Variants in WWOX observed in about 807,000 individuals in gnomAD.
WWOX encodes WW domain containing oxidoreductase.
Under a neutral mutation model 46.2 loss-of-function variants are expected in WWOX, and 69 were observed. The observed-to-expected ratio is 1.49, with a 90% CI of 1.23 to 1.82. The LOEUF (loss-of-function observed/expected upper bound fraction) is 1.82. WWOX is among the 40% of genes most tolerant of loss of function. The probability of loss-of-function intolerance (pLI) is 0.00; values close to 1 mark genes in which losing one functional copy is unlikely to be tolerated. For synonymous variants in WWOX, 359 were observed against 202.6 expected (o/e 1.77, Z -6.56); for missense variants, 919 against 542.6 (o/e 1.69, Z -6.89).
At chr16:78,717,956 T>C (rs2048604666) in intron 8 of WWOX, among the ~76,000 whole-genome samples, 1 of 150,518 alleles carries the variant, frequency 6.6e-6, no homozygotes, top group Non-Finnish European at 1.5e-5. Flanking sequence ...CCACTTTTAC[T>C]ACAGTTACTT....
At chr16:78,164,717 C>A (rs1333303781) in intron 5 of WWOX, among the ~76,000 whole-genome samples, 1 of 152,158 alleles carries the variant, frequency 6.6e-6, no homozygotes, top group Non-Finnish European at 1.5e-5. Context: ...TAAATATTTA[C>A]TAAGGGCTTG....
At chr16:78,596,588 C>T (rs2045496583) in intron 8 of WWOX, among the ~76,000 whole-genome samples, 1 of 152,116 alleles carries the variant, frequency 6.6e-6, no homozygotes. Flanking sequence ...AAGGACCAGC[C>T]AGCTGAGGTA....
chr16:78,866,014 C>G (rs2043995646), intron 8 of WWOX, among the ~76,000 whole-genome samples: 3 of 152,166 alleles, frequency 2.0e-5, no homozygotes, highest in African/African-American at 7.2e-5. Context: ...GAAGCAGTTA[C>G]AGCATTCACA....
intron 8 of WWOX, among the ~76,000 whole-genome samples, chr16:78,470,337 G>C (rs1018490600): frequency 1.1e-4 from 16 of 152,166 alleles, no homozygotes; most frequent in African/African-American, 3.1e-4. Flanking sequence ...GTACATCTTT[G>C]CCTCACCTGA....
intron 8 of WWOX, among the ~76,000 whole-genome samples, chr16:78,488,475 C>G (rs1257109999): frequency 1.3e-5 from 2 of 152,156 alleles, no homozygotes; most frequent in African/African-American, 4.8e-5. Flanking sequence ...GAGATTCCCT[C>G]TTTAAGGATA....
chr16:78,152,760 A>C (rs949771564), intron 4 of WWOX, among the ~76,000 whole-genome samples: 1 of 152,236 alleles, frequency 6.6e-6, no homozygotes, highest in Non-Finnish European at 1.5e-5. Flanking sequence ...GAGAGATCTC[A>C]TGCAGTCAAC....
intron 8 of WWOX, among the ~76,000 whole-genome samples, chr16:79,041,064 T>G (rs1215179403): frequency 1.3e-5 from 2 of 152,000 alleles, no homozygotes; most frequent in African/African-American, 4.8e-5. Context: ...AGCAGAAACA[T>G]GGCCAGAATG....
chr16:78,622,607 C>T (rs1426346500), intron 8 of WWOX, among the ~76,000 whole-genome samples: 1 of 152,002 alleles, frequency 6.6e-6, no homozygotes, highest in African/African-American at 2.4e-5. Flanking sequence ...CCTAAGACGG[C>T]CCCAGTGATA....
At chr16:78,744,507 T>C (rs2049302959) in intron 8 of WWOX, among the ~76,000 whole-genome samples, 1 of 147,114 alleles carries the variant, frequency 6.8e-6, no homozygotes, top group Non-Finnish European at 1.5e-5. Context: ...TCTTGGCTCA[T>C]TGCAACATCT....
At chr16:78,878,219 A>G (rs2044272247) in intron 8 of WWOX, among the ~76,000 whole-genome samples, 1 of 151,998 alleles carries the variant, frequency 6.6e-6, no homozygotes, top group African/African-American at 2.4e-5. Flanking sequence ...CTGAGCCACA[A>G]CTCCTTAGCC....
intron 8 of WWOX, among the ~76,000 whole-genome samples, chr16:78,660,576 G>A (rs905012659): frequency 6.6e-6 from 1 of 152,042 alleles, no homozygotes; most frequent in Non-Finnish European, 1.5e-5. Flanking sequence ...CTGTTTATTT[G>A]TGTTGTTTCT....
chr16:78,828,732 C>G (rs2051730543), intron 8 of WWOX, among the ~76,000 whole-genome samples: 1 of 152,126 alleles, frequency 6.6e-6, no homozygotes, highest in South Asian at 2.1e-4. Context: ...GCAATATCGT[C>G]TCTAGTCCTC....
chr16:78,165,765 G>A (rs2034950814), intron 5 of WWOX, among the ~76,000 whole-genome samples: 4 of 152,138 alleles, frequency 2.6e-5, no homozygotes, highest in Admixed American at 2.6e-4. Context: ...ATAAAGAAAA[G>A]GAAGATTTAT....
intron 5 of WWOX, among the ~76,000 whole-genome samples, chr16:78,229,486 G>A (rs2113156): frequency 0.84 from 123,627 of 147,040 alleles, 52,399 homozygotes; most frequent in African/African-American, 0.95. Context: ...ATGTATATCT[G>A]TATATATATT....
Position 78,774,245 on chromosome 16 carries a change from A to C in WWOX, c.1056+341493A>C, listed in dbSNP as rs564932435. On this transcript the variant is annotated intron_variant, in intron 8 of 8. Coordinates refer to ENST00000566780, the MANE Select transcript of WWOX (RefSeq NM_016373.4). Reference sequence around the variant, plus strand: ...GTGAAACCCTGTCTCTACTCAAAATACAAAAATTAGCTGGGCGTGGTAGCA... The same window carrying C: ...GTGAAACCCTGTCTCTACTCAAAATCCAAAAATTAGCTGGGCGTGGTAGCA... Among the ~76,000 whole-genome samples, 13 of 152,238 alleles carry C rather than the reference A, an allele frequency of 8.5e-5. No homozygotes were observed. In the East Asian group the frequency reaches 9.7e-4, roughly 11 times the overall value.
intron 8 of WWOX, among the ~76,000 whole-genome samples, chr16:78,912,271 A>G (rs1375288554): frequency 5.3e-5 from 8 of 152,058 alleles, no homozygotes; most frequent in Admixed American, 4.6e-4. Flanking sequence ...GGATATATTC[A>G]TTGAAGTCTC....
At chr16:78,169,854 C>T (rs1279199542) in intron 5 of WWOX, among the ~76,000 whole-genome samples, 1 of 152,118 alleles carries the variant, frequency 6.6e-6, no homozygotes, top group African/African-American at 2.4e-5. Flanking sequence ...TTCCTCATGC[C>T]TGCCAGGCCC....
At chr16:78,234,271 G>T (rs1200265429) in intron 5 of WWOX, among the ~76,000 whole-genome samples, 1 of 152,022 alleles carries the variant, frequency 6.6e-6, no homozygotes, top group Non-Finnish European at 1.5e-5. Flanking sequence ...TCCAGTCTAG[G>T]TTATTATACT....
chr16:78,196,794 A>C (rs2036066726), intron 5 of WWOX, among the ~76,000 whole-genome samples: 1 of 152,226 alleles, frequency 6.6e-6, no homozygotes, highest in Non-Finnish European at 1.5e-5. Context: ...TAAAATCAGC[A>C]GGTAGCAAAG....
Sources: gnomAD v4.1 joint callset for allele counts (sites outside exome capture counted in the v4.1 genomes callset) on GRCh38, gnomAD v4.1.1 for gene constraint, MANE v1.5 for transcripts, NCBI Gene and HGNC (gene_info 2026-07-23, HGNC 2026-07-21) for gene names.